TMEM232: variants seen among roughly 807,000 people sequenced by gnomAD.
TMEM232 encodes transmembrane protein 232.
Under a neutral mutation model 78.8 loss-of-function variants are expected in TMEM232, and 80 were observed. The ratio of observed to expected loss-of-function variants is 1.01; its 90% CI spans 0.85 to 1.22. The LOEUF (loss-of-function observed/expected upper bound fraction) is 1.22, where lower values mean the gene tolerates loss of function less well. Ranked by LOEUF, TMEM232 falls within the 50% of genes most tolerant of loss-of-function variation. The pLI, the probability that TMEM232 is intolerant of heterozygous loss-of-function variation, is 0.00. For synonymous variants in TMEM232, 297 were observed against 254.3 expected (o/e 1.17, Z -1.60); for missense variants, 881 against 742.2 (o/e 1.19, Z -2.17).
At chr5:110,510,313 T>A (rs1038250642) in intron 12 of TMEM232, among the ~76,000 whole-genome samples, 1 of 152,222 alleles carries the variant, frequency 6.6e-6, no homozygotes, top group African/African-American at 2.4e-5. Context: ...CTCTGCCTTG[T>A]CCTCTTCCAT....
chr5:110,687,409 T>G (rs1793552332), intron 1 of TMEM232, among the ~76,000 whole-genome samples: 1 of 152,090 alleles, frequency 6.6e-6, no homozygotes, highest in Non-Finnish European at 1.5e-5. Flanking sequence ...TTTCTCTCCA[T>G]TTTTTCCTTT....
intron 1 of TMEM232, among the ~76,000 whole-genome samples, chr5:110,710,698 A>G (rs982121453): frequency 2.0e-5 from 3 of 152,126 alleles, no homozygotes; most frequent in Non-Finnish European, 2.9e-5. Flanking sequence ...TCCTTTTATG[A>G]TAAAATTCAA....
Position 110,606,265 on chromosome 5 carries a change from G to C in TMEM232, c.925C>G (p.Leu309Val). The C allele has an allele frequency of 6.5e-7, 1 of 1,542,590 alleles. No homozygotes were observed. Among genetic ancestry groups the C allele is most frequent in the South Asian group, 1.2e-5 (1 of 82,844 alleles). The change falls in exon 9 of 14, where the codon CTG becomes GTG. Residue 309 changes from leucine (L) to valine (V), a missense_variant. Coordinates refer to ENST00000455884, the MANE Select transcript of TMEM232 (RefSeq NM_001039763.4). ...KCWLDSVLAL[L>V]VLGEAAKLNM... Reference sequence around the variant, plus strand: ...AATTTGGCAGCCTCCCCAAGGACCAGTAAAGCCAGTACTGAATCCAACCTG... The same window carrying C: ...AATTTGGCAGCCTCCCCAAGGACCACTAAAGCCAGTACTGAATCCAACCTG...
intron 6 of TMEM232, among the ~76,000 whole-genome samples, chr5:110,626,971 G>A (rs549007818): frequency 5.3e-5 from 8 of 151,622 alleles, no homozygotes; most frequent in Non-Finnish European, 7.4e-5. Context: ...CCTGCCCCTC[G>A]CCCTCGGCCA....
chr5:110,630,944 T>C (rs1785046337), intron 5 of TMEM232, among the ~76,000 whole-genome samples: 2 of 152,140 alleles, frequency 1.3e-5, no homozygotes, highest in Middle Eastern at 3.4e-3. Flanking sequence ...CTGAAGGACA[T>C]TGCACCAGAC....
chr5:110,616,819 G>A (rs940397523), intron 8 of TMEM232, among the ~76,000 whole-genome samples: 1 of 152,076 alleles, frequency 6.6e-6, no homozygotes, highest in Non-Finnish European at 1.5e-5. Context: ...TGTTGATGAG[G>A]ATGTTCAGAA....
intron 12 of TMEM232, among the ~76,000 whole-genome samples, chr5:110,459,253 C>T (rs1761233250): frequency 1.3e-5 from 2 of 152,098 alleles, no homozygotes; most frequent in Admixed American, 6.6e-5. Flanking sequence ...CAAGGTAAAA[C>T]TATCTTTAGA....
chr5:110,603,754 AT>A (rs1348796473), intron 10 of TMEM232, among the ~76,000 whole-genome samples: 1 of 152,210 alleles, frequency 6.6e-6, no homozygotes, highest in African/African-American at 2.4e-5. Context: ...CAATAAAAAA[AT>A]AAAAGCTTGA....
At chr5:110,737,634 C>A (rs1799326328) in intron 1 of TMEM232, among the ~76,000 whole-genome samples, 1 of 152,014 alleles carries the variant, frequency 6.6e-6, no homozygotes, top group Non-Finnish European at 1.5e-5. Flanking sequence ...ATGATATTAT[C>A]TATTTACACT....
At chr5:110,433,858 A>T (rs1173600877) in intron 12 of TMEM232, among the ~76,000 whole-genome samples, 2 of 152,022 alleles carry the variant, frequency 1.3e-5, no homozygotes, top group African/African-American at 4.8e-5. Flanking sequence ...TAACATTTTG[A>T]TGTGCTGCGG....
intron 1 of TMEM232, 28 bp from the exon 2 acceptor site, chr5:110,667,392 C>A (rs990884282): frequency 6.9e-7 from 1 of 1,450,664 alleles, no homozygotes; most frequent in South Asian, 1.4e-5. Flanking sequence ...TGTATGTTAG[C>A]ATACAAATGC....
chr5:110,713,253 G>A (rs13361382), intron 1 of TMEM232, among the ~76,000 whole-genome samples: 14,321 of 152,124 alleles, frequency 0.094, 806 homozygotes, highest in South Asian at 0.2. Context: ...GCTGGGAAAG[G>A]TGGTAAGTGG....
intron 7 of TMEM232, among the ~76,000 whole-genome samples, chr5:110,618,967 C>A (rs1783295015): frequency 6.6e-6 from 1 of 152,198 alleles, no homozygotes; most frequent in Non-Finnish European, 1.5e-5. Flanking sequence ...ATGTGGATTT[C>A]TACTTTAAGG....
chr5:110,538,458 G>A (rs1384462374), intron 11 of TMEM232, among the ~76,000 whole-genome samples: 2 of 152,142 alleles, frequency 1.3e-5, no homozygotes. Flanking sequence ...TACCCTGAAT[G>A]CCCAAAGAGC....
At chr5:110,738,783 T>G, upstream of TMEM232, 1 of 391,180 alleles carries the variant, frequency 2.6e-6, no homozygotes, top group East Asian at 6.1e-5. Context: ...ACTCCTCCCA[T>G]GCAGGCCCTA....
intron 2 of TMEM232, among the ~76,000 whole-genome samples, chr5:110,403,308 C>G (rs549321082): frequency 2.6e-5 from 4 of 152,126 alleles, no homozygotes; most frequent in East Asian, 1.9e-4. Flanking sequence ...AGCAATACCC[C>G]CAATGTGAAT....
chr5:110,510,360 C>T (rs964202267), intron 12 of TMEM232, among the ~76,000 whole-genome samples: 6 of 152,152 alleles, frequency 3.9e-5, no homozygotes, highest in Non-Finnish European at 8.8e-5. Flanking sequence ...ACTATTCAAC[C>T]AGTTGCTCAG....
At chr5:110,654,195 A>G (rs1364996086) in intron 2 of TMEM232, among the ~76,000 whole-genome samples, 1 of 152,172 alleles carries the variant, frequency 6.6e-6, no homozygotes, top group East Asian at 1.9e-4. Flanking sequence ...CCCCCTGGCC[A>G]TTGCTGATTT....
chr5:110,641,346 C>G (rs929046543), intron 3 of TMEM232, among the ~76,000 whole-genome samples: 2 of 149,982 alleles, frequency 1.3e-5, no homozygotes, highest in African/African-American at 2.4e-5. Context: ...TGTGATAAAA[C>G]AGAAGTGAGT....
Sources: gnomAD v4.1 joint callset for allele counts (sites outside exome capture counted in the v4.1 genomes callset) on GRCh38, gnomAD v4.1.1 for gene constraint, MANE v1.5 for transcripts, NCBI Gene and HGNC (gene_info 2026-07-23, HGNC 2026-07-21) for gene names.